The following CRTAC1 variants were observed in gnomAD, a reference collection of about 807,000 sequenced individuals.
The protein encoded by CRTAC1 is cartilage acidic protein 1.
In CRTAC1, 37 loss-of-function variants were observed where a neutral mutation model predicts 67.8. The ratio of observed to expected loss-of-function variants is 0.55; its 90% CI spans 0.42 to 0.72. The LOEUF (loss-of-function observed/expected upper bound fraction) is 0.72. CRTAC1 is among the 30% of genes least tolerant of loss of function. CRTAC1 has a pLI of 0.00. For synonymous variants in CRTAC1, 348 were observed against 371.0 expected (o/e 0.94, Z 0.71); for missense variants, 780 against 931.6 (o/e 0.84, Z 2.12).
intron 5 of CRTAC1, among the ~76,000 whole-genome samples, chr10:97,914,933 G>C (rs556712074): frequency 4.6e-5 from 7 of 152,172 alleles, no homozygotes; most frequent in Admixed American, 2.6e-4. Context: ...GCCACTAGAT[G>C]GCACTGTGAC....
Position 97,865,333 on chromosome 10 carries a change from G to A in CRTAC1, c.*215C>T, listed in dbSNP as rs568763530. The A allele has an allele frequency of 1.0e-3, 506 of 490,892 alleles. No individual in the cohort carries two copies. Among genetic ancestry groups the A allele is most frequent in the Non-Finnish European group, 1.5e-3 (438 of 290,618 alleles). 30.4% of individuals were successfully genotyped at this position (490,892 alleles called of 1,614,324 possible). On this transcript the variant is annotated 3_prime_UTR_variant, in exon 15 of 15. Transcript: ENST00000370597. ...CCCACTGGAATGTAAGCGCCATCAG[G>A]GCAGCGACCCTGTCTGCTGTGATCA... is the stretch of plus-strand genomic sequence containing the variant.
chr10:98,008,093 G>A (rs570319877), intron 2 of CRTAC1, among the ~76,000 whole-genome samples: 283 of 152,256 alleles, frequency 1.9e-3, no homozygotes, highest in African/African-American at 6.5e-3. Context: ...GACCTGGAAA[G>A]GATAGGGAAA....
In CRTAC1 at chr10:97,895,843, C is replaced by T; in HGVS notation, c.1317+42G>A. Reference sequence around the variant, plus strand: ...CTCACCAACTCAAGGTACCCGAGAGCACACAGGGCTGGGATCTGTGGCTCC... The same window carrying T: ...CTCACCAACTCAAGGTACCCGAGAGTACACAGGGCTGGGATCTGTGGCTCC... On this transcript the variant is annotated intron_variant, in intron 10 of 14. Transcript: ENST00000370597. This position sits in a 1 kb window ranked among gnomAD's most constrained non-coding sequence, Gnocchi z 4.2. 1.3e-6 allele frequency: 2 copies of T among 1,539,728 alleles called. No homozygotes were observed. The highest frequency in any genetic ancestry group is 2.2e-5 in the South Asian group (2 of 89,268).
At chr10:97,890,710 T>C (rs1187627487) in intron 11 of CRTAC1, among the ~76,000 whole-genome samples, 1 of 151,404 alleles carries the variant, frequency 6.6e-6, no homozygotes, top group Non-Finnish European at 1.5e-5. Flanking sequence ...TTTTGTTGCC[T>C]AGGCTGGAGT....
Position 98,029,803 on chromosome 10 carries a change from C to G in CRTAC1, c.24+646G>C, listed in dbSNP as rs773780915. Among the ~76,000 whole-genome samples the G allele has an allele frequency of 3.3e-5, 5 of 152,206 alleles. No homozygotes were observed. Among genetic ancestry groups the G allele is most frequent in the Non-Finnish European group, 7.4e-5 (5 of 68,012 alleles). On this transcript the variant is annotated intron_variant, in intron 1 of 14. Transcript: ENST00000370597. This position sits in a 1 kb window ranked among gnomAD's most constrained non-coding sequence, Gnocchi z 4.7. ...GGGGTCGAGGAGGACTCAGGGTTCC[C>G]CTGGAATGCCTGAAGCCGGCTTGCC...
rs144100901 is a variant in CRTAC1 at position 97,921,639 on chromosome 10, G to A, written c.558+1625C>T. On this transcript the variant is annotated intron_variant, in intron 4 of 14. Coordinates refer to ENST00000370597, the MANE Select transcript of CRTAC1 (RefSeq NM_018058.7). ...GGCTGTTACTGTTGTCCTTGCTCTC[G>A]TGTTTTCCTGCACCATGCTGCATTC... Among the ~76,000 whole-genome samples the A allele has an allele frequency of 1.4e-3, 217 of 152,272 alleles. 2 individuals are homozygous for A. The highest frequency in any genetic ancestry group is 4.9e-3 in the African/African-American group (204 of 41,556).
At chr10:97,878,456 T>G in intron 14 of CRTAC1, 1 of 463,196 alleles carries the variant, frequency 2.2e-6, no homozygotes, top group Non-Finnish European at 3.2e-6. Context: ...GGGGCTTTTT[T>G]TTTGTTGAAT....
intron 6 of CRTAC1, 105 bp from the exon 7 acceptor site, chr10:97,904,919 A>T (rs1302401761): frequency 7.6e-7 from 1 of 1,317,998 alleles, no homozygotes. Flanking sequence ...GGTGACTCTC[A>T]TCTTGTTCCC....
intron 2 of CRTAC1, among the ~76,000 whole-genome samples, chr10:97,999,519 G>C (rs901224696): frequency 6.6e-6 from 1 of 152,240 alleles, no homozygotes; most frequent in African/African-American, 2.4e-5. Flanking sequence ...GAAGCCAAAG[G>C]GGTGCTGAGG....
chr10:97,896,054 C>G, intron 9 of CRTAC1, 69 bp from the exon 10 acceptor site: 2 of 1,380,504 alleles, frequency 1.4e-6, no homozygotes, highest in Non-Finnish European at 1.0e-6. Context: ...CGCTCCCAAC[C>G]AAGTGCAGTA....
intron 5 of CRTAC1, among the ~76,000 whole-genome samples, chr10:97,911,348 A>G (rs936798495): frequency 6.6e-6 from 1 of 152,234 alleles, no homozygotes; most frequent in Non-Finnish European, 1.5e-5. Context: ...CTAATTAACT[A>G]ATTGGGTTGG....
intron 2 of CRTAC1, among the ~76,000 whole-genome samples, chr10:98,007,771 C>T (rs1239474771): frequency 6.6e-6 from 1 of 152,204 alleles, no homozygotes; most frequent in Admixed American, 6.5e-5. Flanking sequence ...ACATAAACAG[C>T]AAGCTAGACA....
intron 3 of CRTAC1, among the ~76,000 whole-genome samples, chr10:97,928,477 C>T (rs533143151): frequency 6.6e-6 from 1 of 152,316 alleles, no homozygotes; most frequent in South Asian, 2.1e-4. Context: ...AGGCAATTCA[C>T]GTATATTCTC....
rs71007374 is a variant in CRTAC1, at chr10:98,029,491, A to AGCGGCGGCGGCGGCGGCGGCGGCG, written c.24+934_24+957dup. Among the ~76,000 whole-genome samples the AGCGGCGGCGGCGGCGGCGGCGGCG allele has an allele frequency of 2.5e-3, 353 of 140,444 alleles. 1 individual carries two copies. The highest frequency in any genetic ancestry group is 4.0e-3 in the Non-Finnish European group (265 of 65,466). The allele number at this position is 140,444 out of a possible 152,430, so 92.1% of individuals were successfully genotyped here. A position where few individuals can be genotyped will look rare whatever the true frequency, so the allele number is the denominator to read the frequency against. On this transcript the variant is annotated intron_variant, in intron 1 of 14. Coordinates refer to ENST00000370597, the MANE Select transcript of CRTAC1 (RefSeq NM_018058.7). The surrounding 1 kb of genome is among the most constrained non-coding windows in gnomAD (Gnocchi z 4.7). The stretch of plus-strand genomic sequence containing the variant: ...ACTGGGTGCACCCACCAGCAGCAGC[A>AGCGGCGGCGGCGGCGGCGGCGGCG]GCGGCGGCGGCGGCGGCGGCGGCGG...
At position 97,922,716 on chromosome 10, in the gene CRTAC1, T is replaced by G. The variant is rs925885004; in HGVS notation, c.558+548A>C. ...GGGGCACCTCTGTGTAGGGTGCACT[T>G]GCAGAGCATGAAAACGTTGGAGGAG... On this transcript the variant is annotated intron_variant, in intron 4 of 14. Transcript: ENST00000370597. Among the ~76,000 whole-genome samples, 4 of 152,230 alleles carry G rather than the reference T, an allele frequency of 2.6e-5. No homozygotes were observed. The South Asian group carries it at 6.2e-4, about 24-fold the overall frequency.
At chr10:97,925,743 G>C (rs895989088) in intron 3 of CRTAC1, among the ~76,000 whole-genome samples, 17 of 151,788 alleles carry the variant, frequency 1.1e-4, no homozygotes, top group Non-Finnish European at 1.0e-4. Context: ...GAGAATGAGT[G>C]TGGGCATGAC....
At chr10:97,897,099 A>G (rs1165962871) in intron 8 of CRTAC1, 108 bp from the exon 9 acceptor site, 6 of 726,038 alleles carry the variant, frequency 8.3e-6, no homozygotes, top group Non-Finnish European at 1.4e-5. Context: ...CCCAATGTGC[A>G]TGGGCTACCA....
At chr10:97,958,300 A>C (rs531053327) in intron 2 of CRTAC1, among the ~76,000 whole-genome samples, 1 of 152,186 alleles carries the variant, frequency 6.6e-6, no homozygotes, top group Non-Finnish European at 1.5e-5. Flanking sequence ...GCCAATTGGC[A>C]AAAGAAAGGG....
In CRTAC1 at chr10:98,005,033, ATT is replaced by A. The variant is rs1340211547; in HGVS notation, c.224+6103_224+6104del. On this transcript the variant is annotated intron_variant, in intron 2 of 14. Coordinates refer to ENST00000370597, the MANE Select transcript of CRTAC1 (RefSeq NM_018058.7). Reference sequence around the variant, plus strand: ...TTTTTACCTTGACCTAGGTTGTGTGATTTTTTTTTTTGCAACAAAATGTGCTT... The same window carrying A: ...TTTTTACCTTGACCTAGGTTGTGTGATTTTTTTTTGCAACAAAATGTGCTT... Among the ~76,000 whole-genome samples, 5 of 123,070 alleles carry A rather than the reference ATT, an allele frequency of 4.1e-5. No homozygotes were observed. The East Asian group carries it at 9.6e-4, about 24-fold the overall frequency. The allele number at this position is 123,070 out of a possible 152,430, so 80.7% of individuals were successfully genotyped here. A position where few individuals can be genotyped will look rare whatever the true frequency, so the allele number is the denominator to read the frequency against.
Sources: gnomAD v4.1 joint callset for allele counts (sites outside exome capture counted in the v4.1 genomes callset) on GRCh38, gnomAD v4.1.1 for gene constraint, Gnocchi (gnomAD v3.1) non-coding constraint, MANE v1.5 for transcripts, NCBI Gene and HGNC (gene_info 2026-07-23, HGNC 2026-07-21) for gene names.